The following LRP1B variants were observed in gnomAD, a reference collection of about 807,000 sequenced individuals.
LRP1B encodes the protein low-density lipoprotein receptor-related protein 1B.
In LRP1B, 217 loss-of-function variants were observed where a neutral mutation model predicts 556.6. The observed-to-expected ratio is 0.39, with a 90% confidence interval of 0.35 to 0.44. The LOEUF is 0.44. Among genes scored for constraint, LRP1B ranks in the 20% least tolerant of loss-of-function variants. The pLI is 1.00. For synonymous variants in LRP1B, 2,047 were observed against 1,865.8 expected (o/e 1.10, Z -2.50); for missense variants, 5,053 against 5,620.8 (o/e 0.90, Z 3.23).
At chr2:141,805,840 A>G (rs1430714609) in intron 2 of LRP1B, 2 of 152,132 alleles carry the variant, frequency 1.3e-5, no homozygotes, top group Non-Finnish European at 2.9e-5. Context: ...CTTTTTACAG[A>G]AAAAGCATGC....
intron 2 of LRP1B, among the ~76,000 whole-genome samples, chr2:141,518,733 G>C (rs1684417650): frequency 6.6e-6 from 1 of 152,102 alleles, no homozygotes; most frequent in African/African-American, 2.4e-5. Flanking sequence ...CGGATCACCT[G>C]AGGTCAGAAG....
intron 7 of LRP1B, among the ~76,000 whole-genome samples, chr2:141,185,612 G>A (rs1252450434): frequency 6.9e-6 from 1 of 144,856 alleles, no homozygotes; most frequent in East Asian, 2.1e-4. Context: ...CTGGAGCTTG[G>A]CTCAAGTCAT....
chr2:140,387,381 G>A (rs1029717273), intron 66 of LRP1B, among the ~76,000 whole-genome samples: 1 of 152,112 alleles, frequency 6.6e-6, no homozygotes, highest in African/African-American at 2.4e-5. Context: ...TTCATACACA[G>A]AATCATACCC....
chr2:141,957,101 G>A (rs1164838037), intron 1 of LRP1B, among the ~76,000 whole-genome samples: 1 of 151,918 alleles, frequency 6.6e-6, no homozygotes, highest in Non-Finnish European at 1.5e-5. Context: ...ATGTTATTTT[G>A]TGTATAAATA....
At chr2:141,781,637 A>T (rs1695257894) in intron 2 of LRP1B, among the ~76,000 whole-genome samples, 1 of 152,196 alleles carries the variant, frequency 6.6e-6, no homozygotes, top group Non-Finnish European at 1.5e-5. Context: ...ATGTCATTTG[A>T]TTTTAATAAA....
At chr2:140,798,103 T>G (rs150556924) in intron 32 of LRP1B, among the ~76,000 whole-genome samples, 2,358 of 152,240 alleles carry the variant, frequency 0.015, 36 homozygotes, top group Non-Finnish European at 0.024. Context: ...AAACTTGATT[T>G]GTTTATTTGC....
chr2:140,269,064 G>C (rs552677799), intron 86 of LRP1B, among the ~76,000 whole-genome samples: 1 of 151,972 alleles, frequency 6.6e-6, no homozygotes, highest in South Asian at 2.1e-4. Flanking sequence ...CATTTTCTCT[G>C]TTATATTTCT....
At chr2:140,269,457 T>C in intron 86 of LRP1B, 1 of 450,446 alleles carries the variant, frequency 2.2e-6, no homozygotes, top group Non-Finnish European at 4.6e-6. Context: ...ATTCATTTCA[T>C]ACAGAGATAG....
intron 1 of LRP1B, 61 bp from the exon 2 acceptor site, chr2:141,810,462 G>A (rs2105708146): frequency 6.5e-7 from 1 of 1,549,060 alleles, no homozygotes; most frequent in Non-Finnish European, 8.9e-7. Context: ...AGAACGAGCA[G>A]TACAAACATG....
rs75442252 is a variant in LRP1B at position 140,299,261 on chromosome 2, T to C, written c.12806-1292A>G. ...GTGAATACAATGCTTACAAATAAAATTCATATACATTTTTAAGAAAATGAG... is the reference window on the plus strand; with the variant it reads ...GTGAATACAATGCTTACAAATAAAACTCATATACATTTTTAAGAAAATGAG... On this transcript the variant is annotated intron_variant, in intron 83 of 90. Transcript: ENST00000389484. Among the ~76,000 whole-genome samples the C allele has an allele frequency of 9.0e-3, 1,363 of 152,174 alleles. 14 individuals are homozygous for C. Among genetic ancestry groups the C allele is most frequent in the Non-Finnish European group, 0.016 (1,092 of 67,934 alleles).
chr2:140,790,186 T>C (rs1004293394), intron 32 of LRP1B, among the ~76,000 whole-genome samples: 1 of 152,184 alleles, frequency 6.6e-6, no homozygotes, highest in Non-Finnish European at 1.5e-5. Flanking sequence ...TTCACCTCTA[T>C]CTTCAGCTCC....
intron 2 of LRP1B, among the ~76,000 whole-genome samples, chr2:141,483,546 C>A (rs1334996730): frequency 1.9e-5 from 1 of 52,138 alleles, no homozygotes; most frequent in Non-Finnish European, 5.0e-5. Flanking sequence ...ACACTGACTT[C>A]CACAATGGTT....
chr2:141,619,923 A>G (rs962572046), intron 2 of LRP1B, among the ~76,000 whole-genome samples: 5 of 152,210 alleles, frequency 3.3e-5, no homozygotes, highest in African/African-American at 1.2e-4. Flanking sequence ...TGACATAATT[A>G]TTTCATGCTA....
intron 2 of LRP1B, among the ~76,000 whole-genome samples, chr2:141,722,678 T>C (rs1220771123): frequency 6.6e-6 from 1 of 152,110 alleles, no homozygotes; most frequent in Non-Finnish European, 1.5e-5. Context: ...CTTTTATTTT[T>C]TCACATATTT....
chr2:140,386,147 G>A, intron 66 of LRP1B, 138 bp from the exon 67 acceptor site: 1 of 641,604 alleles, frequency 1.6e-6, no homozygotes, highest in South Asian at 2.1e-5. Context: ...AGGAAAAATT[G>A]AAGGCAAGTG....
intron 3 of LRP1B, among the ~76,000 whole-genome samples, chr2:141,395,372 A>G (rs755032863): frequency 1.3e-5 from 2 of 152,020 alleles, no homozygotes; most frequent in East Asian, 1.9e-4. Flanking sequence ...AGTTCTTATT[A>G]TTTTGTTACA....
chr2:140,261,070 A>T (rs1004877748), intron 86 of LRP1B, among the ~76,000 whole-genome samples: 1 of 138,922 alleles, frequency 7.2e-6, no homozygotes, highest in East Asian at 2.1e-4. Context: ...TATATATATA[A>T]TATATATGAT....
chr2:140,712,802 C>CATGTTCTGTT (rs1327341743), intron 37 of LRP1B, among the ~76,000 whole-genome samples: 2 of 152,038 alleles, frequency 1.3e-5, no homozygotes, highest in Admixed American at 1.3e-4. Flanking sequence ...TCACCAGTTA[C>CATGTTCTGTT]ATGTTCTGTT....
intron 2 of LRP1B, among the ~76,000 whole-genome samples, chr2:141,579,972 T>TTA (rs533486202): frequency 1.4e-3 from 216 of 152,254 alleles, no homozygotes; most frequent in African/African-American, 5.0e-3. Context: ...AGTTCTGGGA[T>TTA]TACAGGCGTG....
Sources: allele counts gnomAD v4.1 joint callset (sites outside exome capture counted in the v4.1 genomes callset), GRCh38; gene constraint gnomAD v4.1.1; transcripts MANE v1.5; gene names NCBI Gene and HGNC (gene_info 2026-07-23, HGNC 2026-07-21).